The following ROBO2 variants were observed in gnomAD, a reference collection of about 807,000 sequenced individuals.
ROBO2 encodes the protein roundabout guidance receptor 2.
ROBO2 carries 53 observed loss-of-function variants against 160.8 expected under a neutral mutation model. That is an observed-to-expected ratio of 0.33 (90% confidence interval 0.26 to 0.41). The LOEUF (loss-of-function observed/expected upper bound fraction) is 0.41, where lower values mean the gene tolerates loss of function less well. ROBO2 is among the 10% of genes least tolerant of loss of function. The pLI is 1.00. For synonymous variants in ROBO2, 664 were observed against 611.7 expected (o/e 1.09, Z -1.26); for missense variants, 1,577 against 1,722.4 (o/e 0.92, Z 1.49).
chr3:77,459,059 A>G (rs1275083554), intron 2 of ROBO2, among the ~76,000 whole-genome samples: 4 of 152,174 alleles, frequency 2.6e-5, no homozygotes, highest in Non-Finnish European at 5.9e-5. Context: ...ACCCCACTAG[A>G]CAACTGCAAT....
At chr3:76,952,409 A>T (rs1177898881) in intron 2 of ROBO2, among the ~76,000 whole-genome samples, 1 of 152,008 alleles carries the variant, frequency 6.6e-6, no homozygotes, top group Non-Finnish European at 1.5e-5. Context: ...CAGCCTCCCA[A>T]GTAGCTGGGA....
chr3:76,942,688 AC>A (rs952105889), intron 2 of ROBO2, among the ~76,000 whole-genome samples: 1 of 152,168 alleles, frequency 6.6e-6, no homozygotes, highest in African/African-American at 2.4e-5. Flanking sequence ...TCTCAGGAAG[AC>A]CGGAAGTCTA....
chr3:76,377,259 A>G (rs939075595), intron 2 of ROBO2, among the ~76,000 whole-genome samples: 1 of 152,188 alleles, frequency 6.6e-6, no homozygotes, highest in African/African-American at 2.4e-5. Context: ...AATGAAATCC[A>G]TAATATTGAC....
intron 2 of ROBO2, among the ~76,000 whole-genome samples, chr3:76,041,286 A>G (rs888665057): frequency 1.3e-5 from 2 of 152,020 alleles, no homozygotes; most frequent in African/African-American, 4.8e-5. Flanking sequence ...TATTATGACC[A>G]GAAATCTTTG....
intron 2 of ROBO2, among the ~76,000 whole-genome samples, chr3:76,149,003 C>G (rs1164934580): frequency 2.0e-5 from 3 of 152,060 alleles, no homozygotes; most frequent in African/African-American, 4.8e-5. Context: ...TATAACTCAT[C>G]CAGAGCAGAA....
At chr3:77,273,919 T>C (rs1011539254) in intron 2 of ROBO2, among the ~76,000 whole-genome samples, 1 of 152,118 alleles carries the variant, frequency 6.6e-6, no homozygotes, top group African/African-American at 2.4e-5. Flanking sequence ...CTGAAAATTA[T>C]ATCCAACAAA....
intron 2 of ROBO2, among the ~76,000 whole-genome samples, chr3:76,697,646 A>G (rs1444682642): frequency 6.6e-6 from 1 of 150,836 alleles, no homozygotes; most frequent in Non-Finnish European, 1.5e-5. Flanking sequence ...ACCCTGTCTC[A>G]AAAAAGAACA....
intron 2 of ROBO2, among the ~76,000 whole-genome samples, chr3:77,415,798 G>A (rs911990439): frequency 6.6e-6 from 1 of 152,036 alleles, no homozygotes. Flanking sequence ...CTTTCCCAGG[G>A]AGTCCCCAGG....
chr3:76,359,342 G>T (rs1409737460), intron 2 of ROBO2, among the ~76,000 whole-genome samples: 1 of 151,972 alleles, frequency 6.6e-6, no homozygotes, highest in Non-Finnish European at 1.5e-5. Context: ...TAAAGAATGA[G>T]TTTTATTTGT....
intron 2 of ROBO2, among the ~76,000 whole-genome samples, chr3:76,801,200 TA>T (rs1307591388): frequency 6.6e-6 from 1 of 152,024 alleles, no homozygotes; most frequent in Non-Finnish European, 1.5e-5. Context: ...GAGCTAAAAA[TA>T]AAAACAATTG....
chr3:77,122,751 G>T (rs1018032237), intron 2 of ROBO2, among the ~76,000 whole-genome samples: 1 of 152,170 alleles, frequency 6.6e-6, no homozygotes, highest in African/African-American at 2.4e-5. Flanking sequence ...GAGCACTGAA[G>T]TATTAAAACA....
intron 2 of ROBO2, among the ~76,000 whole-genome samples, chr3:77,437,763 CT>C (rs1243755595): frequency 6.6e-6 from 1 of 151,784 alleles, no homozygotes. Context: ...ACTCAAAACT[CT>C]TTTTTTAAAA....
intron 2 of ROBO2, among the ~76,000 whole-genome samples, chr3:76,906,951 G>T (rs2075645604): frequency 6.6e-6 from 1 of 152,112 alleles, no homozygotes. Flanking sequence ...ATGTTATTCA[G>T]TTATACACGC....
chr3:76,928,842 G>T (rs2149039214), intron 2 of ROBO2, among the ~76,000 whole-genome samples: 1 of 152,196 alleles, frequency 6.6e-6, no homozygotes, highest in South Asian at 2.1e-4. Context: ...CTCATCTAAT[G>T]GTTTTAAATA....
intron 2 of ROBO2, among the ~76,000 whole-genome samples, chr3:76,626,577 A>G (rs1036654298): frequency 6.6e-6 from 1 of 152,262 alleles, no homozygotes; most frequent in African/African-American, 2.4e-5. Context: ...GATACATAGC[A>G]TGTATAGTTT....
chr3:76,017,980 C>T (rs1160323781), intron 2 of ROBO2, among the ~76,000 whole-genome samples: 1 of 151,882 alleles, frequency 6.6e-6, no homozygotes, highest in African/African-American at 2.4e-5. Flanking sequence ...AATTAATTTG[C>T]CAACATTTAG....
intron 23 of ROBO2, among the ~76,000 whole-genome samples, chr3:77,623,734 G>C (rs575116395): frequency 6.6e-6 from 1 of 152,260 alleles, no homozygotes; most frequent in South Asian, 2.1e-4. Context: ...CCCTTTGCCT[G>C]AATTTCCAGC....
chr3:76,054,403 C>T (rs1285615715), intron 2 of ROBO2, among the ~76,000 whole-genome samples: 1 of 152,154 alleles, frequency 6.6e-6, no homozygotes, highest in African/African-American at 2.4e-5. Flanking sequence ...AAGTAGTAGT[C>T]ATAGAGTGAG....
intron 2 of ROBO2, among the ~76,000 whole-genome samples, chr3:76,511,402 TG>T (rs756617528): frequency 3.9e-5 from 6 of 152,346 alleles, no homozygotes; most frequent in Non-Finnish European, 7.4e-5. Context: ...GGATGATGAC[TG>T]CAAAATATTG....
Sources: allele counts gnomAD v4.1 joint callset (sites outside exome capture counted in the v4.1 genomes callset), GRCh38; gene constraint gnomAD v4.1.1; transcripts MANE v1.5; gene names NCBI Gene and HGNC (gene_info 2026-07-23, HGNC 2026-07-21).